Variants in YARS1 observed in about 807,000 individuals in gnomAD.
YARS1 encodes tyrosyl-tRNA synthetase 1.
A neutral mutation model predicts 62.2 loss-of-function variants in YARS1; 36 were observed. That is an observed-to-expected ratio of 0.58 (90% CI 0.44 to 0.76). YARS1 has a LOEUF of 0.76. Among genes scored for constraint, YARS1 ranks in the 30% least tolerant of loss-of-function variants. YARS1 has a pLI of 0.00. For synonymous variants in YARS1, 234 were observed against 244.9 expected (o/e 0.96, Z 0.42); for missense variants, 524 against 639.8 (o/e 0.82, Z 1.95).
chr1:32,788,921 C>T (rs551614066), intron 6 of YARS1, among the ~76,000 whole-genome samples: 1 of 151,938 alleles, frequency 6.6e-6, no homozygotes, highest in East Asian at 2.0e-4. Flanking sequence ...GCCTCCCAGG[C>T]TCAAGTAGTC....
At chr1:32,802,253 CTT>C (rs1638321501) in intron 4 of YARS1, among the ~76,000 whole-genome samples, 3 of 152,232 alleles carry the variant, frequency 2.0e-5, no homozygotes, top group East Asian at 3.9e-4. Context: ...GGCCTGTTCT[CTT>C]GTTATTTCTA....
chr1:32,777,218 G>A (rs1023775805), intron 12 of YARS1, among the ~76,000 whole-genome samples: 2 of 151,912 alleles, frequency 1.3e-5, no homozygotes, highest in East Asian at 2.0e-4. Context: ...TAGTAGAGAC[G>A]GGGTTTCTCT....
At chr1:32,815,429 T>C (rs1353746499) in intron 1 of YARS1, among the ~76,000 whole-genome samples, 1 of 152,170 alleles carries the variant, frequency 6.6e-6, no homozygotes, top group Non-Finnish European at 1.5e-5. Context: ...CAACCAGCAC[T>C]ATTTTATGGA....
chr1:32,801,877 A>G (rs898328021), intron 4 of YARS1, among the ~76,000 whole-genome samples: 2 of 151,156 alleles, frequency 1.3e-5, no homozygotes, highest in African/African-American at 4.9e-5. Flanking sequence ...AAAATTTATC[A>G]TGAGATTGCA....
At chr1:32,810,837 C>T (rs1048780169) in intron 2 of YARS1, 71 bp from the exon 3 acceptor site, 3 of 1,613,932 alleles carry the variant, frequency 1.9e-6, no homozygotes, top group East Asian at 2.2e-5. Flanking sequence ...CCTCCAGCCC[C>T]ACCCTGTCCT....
At chr1:32,810,528 C>T (rs1638560023) in intron 3 of YARS1, 63 bp downstream of exon 3, 2 of 1,599,976 alleles carry the variant, frequency 1.3e-6, no homozygotes, top group Non-Finnish European at 1.7e-6. Context: ...GCCTGGACTC[C>T]ACAGGCCTGT....
chr1:32,788,636 G>C (rs991455166), intron 6 of YARS1, among the ~76,000 whole-genome samples: 7 of 151,972 alleles, frequency 4.6e-5, no homozygotes, highest in African/African-American at 1.7e-4. Flanking sequence ...TCTCCATGTT[G>C]GTCAGGCTGG....
intron 6 of YARS1, chr1:32,790,743 A>G (rs1198215432): frequency 4.9e-6 from 1 of 203,986 alleles, no homozygotes; most frequent in African/African-American, 2.4e-5. Context: ...TAATGATCAG[A>G]ACCAAAGTGA....
Position 32,810,768 on chromosome 1 carries a change from TG to T in YARS1, c.205-3del. 6.2e-7 allele frequency: 1 copy of T among 1,614,192 alleles called. No individual in the cohort carries two copies. Among genetic ancestry groups the T allele is most frequent in the Non-Finnish European group, 8.5e-7 (1 of 1,180,034 alleles). ...GAGGTCCGCAAACAGAATTGTTACC[TG>T]GACAAGAGATAAGGGGCCACCAAAA... On this transcript the variant is annotated splice_region_variant and splice_polypyrimidine_tract_variant and intron_variant, in intron 2 of 12. Transcript: ENST00000373477.
At chr1:32,797,479 T>A in intron 5 of YARS1, 1 of 489,008 alleles carries the variant, frequency 2.0e-6, no homozygotes, top group Non-Finnish European at 3.7e-6. Flanking sequence ...ACTGGGCTAT[T>A]AGGAAAGGAG....
At chr1:32,805,654 G>T (rs1376511790) in intron 4 of YARS1, among the ~76,000 whole-genome samples, 1 of 152,088 alleles carries the variant, frequency 6.6e-6, no homozygotes, top group East Asian at 1.9e-4. Flanking sequence ...TCATTTCTAG[G>T]TGTAGATTTA....
intron 10 of YARS1, 90 bp from the exon 11 acceptor site, chr1:32,780,368 C>T: frequency 6.7e-7 from 1 of 1,500,732 alleles, no homozygotes; most frequent in Non-Finnish European, 9.2e-7. Flanking sequence ...GGAGCATCCA[C>T]TCCTTACAGA....
At chr1:32,815,194 C>G (rs558102697) in intron 1 of YARS1, among the ~76,000 whole-genome samples, 1 of 152,180 alleles carries the variant, frequency 6.6e-6, no homozygotes, top group South Asian at 2.1e-4. Flanking sequence ...ACTAAAAATA[C>G]AAAAATTAGC....
intron 3 of YARS1, among the ~76,000 whole-genome samples, chr1:32,810,154 A>G (rs376982421): frequency 1.3e-5 from 2 of 151,870 alleles, no homozygotes; most frequent in South Asian, 4.2e-4. Context: ...CGAAATATCT[A>G]TGCTAACATT....
intron 9 of YARS1, 168 bp downstream of exon 9, chr1:32,782,236 C>A: frequency 2.6e-6 from 3 of 1,153,210 alleles, no homozygotes; most frequent in South Asian, 2.8e-5. Context: ...TTAACCAAAC[C>A]CAAATCAAAA....
intron 4 of YARS1, among the ~76,000 whole-genome samples, 153 bp downstream of exon 4, chr1:32,806,329 T>C (rs906317966): frequency 1.3e-5 from 2 of 152,236 alleles, no homozygotes; most frequent in African/African-American, 4.8e-5. Context: ...AAAATGGTGC[T>C]GGTGGACTTG....
At chr1:32,798,619 T>C (rs1411488320) in intron 4 of YARS1, among the ~76,000 whole-genome samples, 1 of 152,124 alleles carries the variant, frequency 6.6e-6, no homozygotes, top group Non-Finnish European at 1.5e-5. Flanking sequence ...GAAAGATCAC[T>C]TGAGCCCGGG....
At chr1:32,793,477 C>CAA (rs555851915) in intron 5 of YARS1, among the ~76,000 whole-genome samples, 1 of 150,202 alleles carries the variant, frequency 6.7e-6, no homozygotes, top group African/African-American at 2.4e-5. Flanking sequence ...ATTCCATCTC[C>CAA]AAAAAAAAAT....
At chr1:32,810,062 C>T (rs1329133729) in intron 3 of YARS1, among the ~76,000 whole-genome samples, 2 of 149,330 alleles carry the variant, frequency 1.3e-5, no homozygotes, top group East Asian at 2.0e-4. Flanking sequence ...GTCAAGATCG[C>T]GCCATTGCAC....
Sources: allele counts gnomAD v4.1 joint callset (sites outside exome capture counted in the v4.1 genomes callset), GRCh38; gene constraint gnomAD v4.1.1; transcripts MANE v1.5; gene names NCBI Gene and HGNC (gene_info 2026-07-23, HGNC 2026-07-21).